KANSL1: variants seen among roughly 807,000 people sequenced by gnomAD.
KANSL1 encodes the protein MLL1/MLL complex subunit KANSL1.
KANSL1 carries 22 observed loss-of-function variants against 103.6 expected under a neutral mutation model. That is an observed-to-expected ratio of 0.21 (90% confidence interval 0.15 to 0.30). The LOEUF (loss-of-function observed/expected upper bound fraction) is 0.30, where lower values mean the gene tolerates loss of function less well. KANSL1 is among the 10% of genes least tolerant of loss of function. The probability of loss-of-function intolerance (pLI) is 1.00; values close to 1 mark genes in which losing one functional copy is unlikely to be tolerated. For missense variants in KANSL1, 1,337 were observed against 1,399.8 expected, an observed-to-expected ratio of 0.96 and a Z score of 0.72; for synonymous variants, 600 against 527.6, an observed-to-expected ratio of 1.14 and a Z score of -1.88.
At chr17:46,038,421 T>G in intron 10 of KANSL1, 117 bp downstream of exon 10, 2 of 1,084,402 alleles carry the variant, frequency 1.8e-6, no homozygotes, top group Non-Finnish European at 2.6e-6. Context: ...CATGATGAGC[T>G]GAGATCCTAT....
intron 2 of KANSL1, among the ~76,000 whole-genome samples, chr17:46,138,208 A>G (rs569844736): frequency 2.6e-3 from 392 of 152,314 alleles, no homozygotes; most frequent in Admixed American, 4.4e-3. Context: ...ACTCAAAGGT[A>G]ATGTTTATTG....
intron 2 of KANSL1, among the ~76,000 whole-genome samples, chr17:46,162,802 C>G (rs1474783614): frequency 6.6e-6 from 1 of 152,220 alleles, no homozygotes; most frequent in Non-Finnish European, 1.5e-5. Flanking sequence ...ACAAGGCCAT[C>G]TGTATGATCT....
chr17:46,043,635 T>C (rs941072604), intron 7 of KANSL1: 1 of 152,206 alleles, frequency 6.6e-6, no homozygotes, highest in Non-Finnish European at 1.5e-5. Flanking sequence ...TTCATTTGAA[T>C]AGGCACAAGA....
At chr17:46,193,530 G>T (rs1030618746), upstream of KANSL1, 1 of 147,062 alleles carries the variant, frequency 6.8e-6, no homozygotes. Flanking sequence ...GCTCCACCCC[G>T]GCGCGCCGCC....
chr17:46,069,779 A>G (rs1248822256), intron 4 of KANSL1, among the ~76,000 whole-genome samples: 1 of 152,126 alleles, frequency 6.6e-6, no homozygotes, highest in African/African-American at 2.4e-5. Flanking sequence ...AAACAAAAAC[A>G]AAAAACAGAT....
intron 4 of KANSL1, among the ~76,000 whole-genome samples, chr17:46,067,970 T>C (rs1177271062): frequency 6.6e-6 from 1 of 151,350 alleles, no homozygotes; most frequent in African/African-American, 2.4e-5. Flanking sequence ...AGAGAGAGGT[T>C]GACAGAGAGA....
At chr17:46,176,868 T>G (rs1487708600) in intron 1 of KANSL1, among the ~76,000 whole-genome samples, 2 of 151,498 alleles carry the variant, frequency 1.3e-5, no homozygotes, top group African/African-American at 2.4e-5. Flanking sequence ...ATCATCTAAG[T>G]AAGGGGGTGG....
intron 1 of KANSL1, among the ~76,000 whole-genome samples, chr17:46,210,902 G>A (rs906671006): frequency 6.6e-6 from 1 of 152,176 alleles, no homozygotes; most frequent in Admixed American, 6.5e-5. Flanking sequence ...AACCAGACTT[G>A]CTCTAAGCAG....
At chr17:46,218,777 C>T (rs1226547893) in intron 1 of KANSL1, among the ~76,000 whole-genome samples, 2 of 147,802 alleles carry the variant, frequency 1.4e-5, no homozygotes, top group African/African-American at 2.5e-5. Context: ...AGCAAGACTC[C>T]ATCTCAAAAA....
At chr17:46,105,906 G>GAGACACACACACACACACAC (rs778730504) in intron 2 of KANSL1, among the ~76,000 whole-genome samples, 162 of 95,070 alleles carry the variant, frequency 1.7e-3, no homozygotes, top group African/African-American at 7.2e-3. Flanking sequence ...GCAAGGCCTT[G>GAGACACACACACACACACAC]ACACACACAC....
intron 2 of KANSL1, among the ~76,000 whole-genome samples, chr17:46,155,155 ATTTTTTTTTT>A (rs33974360): frequency 5.8e-5 from 6 of 103,854 alleles, no homozygotes; most frequent in East Asian, 3.0e-4. Context: ...TCAGCCAGGG[ATTTTTTTTTT>A]TTTTTTTTTT....
chr17:46,086,056 A>T (rs941751446), intron 3 of KANSL1, among the ~76,000 whole-genome samples: 3 of 152,262 alleles, frequency 2.0e-5, no homozygotes, highest in African/African-American at 7.2e-5. Flanking sequence ...GTTGAGTTGT[A>T]TAATTTTTTT....
intron 10 of KANSL1, 177 bp from the exon 11 acceptor site, chr17:46,034,462 T>A (rs2077093492): frequency 3.4e-6 from 2 of 583,016 alleles, no homozygotes; most frequent in Admixed American, 6.4e-5. Flanking sequence ...GCAAAAAACC[T>A]CACGGAGAAA....
rs1469183886 is a variant in KANSL1, at chr17:46,094,695, G to A, written c.1296C>T (p.Arg432=). ...DPEQRHVPLR[R]RSEWKWAADR... ...CTGCAGCCCATTTCCATTCTGACCT[G>A]CGTCTCCTAAAAGGAAATAAACTGA... is the stretch of plus-strand genomic sequence containing the variant. Residue 432 remains arginine (R), a synonymous_variant, in exon 3 of 15, where the codon CGC becomes CGT. Transcript: ENST00000432791. The A allele has an allele frequency of 5.0e-6, 8 of 1,614,124 alleles. No homozygotes were observed. The highest frequency in any genetic ancestry group is 6.8e-6 in the Non-Finnish European group (8 of 1,180,028).
intron 2 of KANSL1, among the ~76,000 whole-genome samples, chr17:46,126,537 T>C (rs568956179): frequency 3.9e-5 from 6 of 152,312 alleles, no homozygotes; most frequent in East Asian, 1.9e-4. Flanking sequence ...CTGGATAATA[T>C]GTCAAGGAGA....
At position 46,136,783 on chromosome 17, in the gene KANSL1, A is replaced by G. The variant is rs182223810; in HGVS notation, c.1289+34072T>C. Among the ~76,000 whole-genome samples, 272 of 152,378 alleles carry G rather than the reference A, an allele frequency of 1.8e-3. 1 individual carries two copies. The highest frequency in any genetic ancestry group is 0.013 in the Admixed American group (202 of 15,310). ...TAAAACCAAAAGAAGAAAACCAGAA[A>G]GACAAAAGCACTTTTGTCCAAGGTG... On this transcript the variant is annotated intron_variant, in intron 2 of 14. Transcript: ENST00000432791.
intron 2 of KANSL1, 117 bp from the exon 3 acceptor site, chr17:46,094,818 A>C: frequency 8.3e-7 from 1 of 1,205,964 alleles, no homozygotes; most frequent in South Asian, 1.2e-5. Context: ...CTCTAGTGTC[A>C]AGAAAAACCC....
In KANSL1 at chr17:46,178,143, A is replaced by G. The variant is rs147755246; in HGVS notation, c.-89-5911T>C. Among the ~76,000 whole-genome samples, 107 of 152,344 alleles carry G rather than the reference A, an allele frequency of 7.0e-4. 1 individual carries two copies. The East Asian group carries it at 0.019, about 27-fold the overall frequency. ...GATTCCTATCCCACTTGACCCCTAC[A>G]AAATTCAAAAAGCTTCAATCTTTGA... On this transcript the variant is annotated intron_variant, in intron 1 of 14. Coordinates refer to ENST00000432791, the MANE Select transcript of KANSL1 (RefSeq NM_015443.4).
intron 2 of KANSL1, among the ~76,000 whole-genome samples, chr17:46,095,665 G>A (rs1320875244): frequency 6.6e-6 from 1 of 152,150 alleles, no homozygotes; most frequent in Non-Finnish European, 1.5e-5. Context: ...ACTTAGAGCA[G>A]GGAGCATTTC....
Sources: gnomAD v4.1 joint callset for allele counts (sites outside exome capture counted in the v4.1 genomes callset) on GRCh38, gnomAD v4.1.1 for gene constraint, MANE v1.5 for transcripts, NCBI Gene and HGNC (gene_info 2026-07-23, HGNC 2026-07-21) for gene names.